Variants in CLEC16A observed in about 807,000 individuals in gnomAD.
CLEC16A encodes protein CLEC16A.
A neutral mutation model predicts 109.5 loss-of-function variants in CLEC16A; 51 were observed. The ratio of observed to expected loss-of-function variants is 0.47; its 90% CI spans 0.37 to 0.59. The LOEUF is 0.59. Among genes scored for constraint, CLEC16A ranks in the 20% least tolerant of loss-of-function variants. The pLI is 0.00. For synonymous variants in CLEC16A, 673 were observed against 564.2 expected (o/e 1.19, Z -2.73); for missense variants, 1,339 against 1,394.0 (o/e 0.96, Z 0.63).
chr16:11,119,028 G>C (rs1409174355), intron 19 of CLEC16A, among the ~76,000 whole-genome samples: 1 of 152,154 alleles, frequency 6.6e-6, no homozygotes, highest in African/African-American at 2.4e-5. Flanking sequence ...TTGAGACAAG[G>C]TCTTATTCTG....
At chr16:11,175,320 C>G (rs539593666) in intron 23 of CLEC16A, among the ~76,000 whole-genome samples, 1 of 152,310 alleles carries the variant, frequency 6.6e-6, no homozygotes, top group African/African-American at 2.4e-5. Context: ...CTGAATGTCC[C>G]ATTACCCCCT....
intron 7 of CLEC16A, among the ~76,000 whole-genome samples, chr16:10,975,858 G>A (rs2043008400): frequency 6.6e-6 from 1 of 151,936 alleles, no homozygotes; most frequent in Non-Finnish European, 1.5e-5. Context: ...CACCATGTTG[G>A]CCAGGCTGGT....
chr16:11,126,603 C>A, intron 22 of CLEC16A: 1 of 308,300 alleles, frequency 3.2e-6, no homozygotes, highest in South Asian at 4.6e-5. Flanking sequence ...CATATGAGGG[C>A]GTCTCCTCCC....
chr16:11,140,316 G>A (rs542900373), intron 22 of CLEC16A, among the ~76,000 whole-genome samples: 1 of 152,200 alleles, frequency 6.6e-6, no homozygotes, highest in South Asian at 2.1e-4. Context: ...GGAAGAGTCA[G>A]TGTGGATGGA....
chr16:11,123,960 C>T lies in CLEC16A; in HGVS notation c.2473+14C>T, dbSNP rs1340438884. ...AGAGAATAGCTGGTGAGTGGCTGGA[C>T]CCTGGCAGGGCATCCTCTGAGCACT... is the stretch of plus-strand genomic sequence containing the variant. On this transcript the variant is annotated intron_variant, in intron 21 of 23. Transcript: ENST00000409790. The T allele has an allele frequency of 6.3e-7, 1 of 1,582,722 alleles. No individual in the cohort carries two copies. Among genetic ancestry groups the T allele is most frequent in the East Asian group, 2.3e-5 (1 of 42,838 alleles).
intron 17 of CLEC16A, chr16:11,048,337 A>G (rs1177360900): frequency 2.0e-5 from 3 of 152,378 alleles, no homozygotes; most frequent in South Asian, 4.1e-4. Context: ...GCGGGAAGCC[A>G]TAGGTTCAGA....
intron 19 of CLEC16A, among the ~76,000 whole-genome samples, chr16:11,086,604 G>T (rs1246919133): frequency 6.6e-6 from 1 of 152,044 alleles, no homozygotes. Flanking sequence ...GTGCAGTGTC[G>T]CTATCTCTGC....
At chr16:11,120,882 A>T in intron 20 of CLEC16A, 116 bp downstream of exon 20, 1 of 1,070,058 alleles carries the variant, frequency 9.3e-7, no homozygotes, top group Non-Finnish European at 1.2e-6. Context: ...TAGTGATATT[A>T]TACAAGGTAT....
chr16:11,071,938 G>C (rs939285901), intron 19 of CLEC16A, among the ~76,000 whole-genome samples: 8 of 151,848 alleles, frequency 5.3e-5, no homozygotes, highest in Admixed American at 4.6e-4. Context: ...TTCTGTGGGA[G>C]TATGTTCTTG....
At chr16:11,131,182 A>G (rs368385091) in intron 22 of CLEC16A, among the ~76,000 whole-genome samples, 1 of 152,194 alleles carries the variant, frequency 6.6e-6, no homozygotes, top group Non-Finnish European at 1.5e-5. Flanking sequence ...AGGCATGGCC[A>G]GGCCTAGACT....
Position 10,969,143 on chromosome 16 carries a change from GT to G in CLEC16A, c.344-11del. 1 of 1,594,748 alleles carries G rather than the reference GT, an allele frequency of 6.3e-7. No individual in the cohort carries two copies. The highest frequency in any genetic ancestry group is 2.2e-5 in the East Asian group (1 of 44,632). ...CCTCCAGCATGAGTTAACCTGTTTTGTTTTTTTCTCCCTCTAGATTATTTGC... is the reference window on the plus strand; with the variant it reads ...CCTCCAGCATGAGTTAACCTGTTTTGTTTTTTCTCCCTCTAGATTATTTGC... On this transcript the variant is annotated splice_polypyrimidine_tract_variant and intron_variant, in intron 3 of 23. Transcript: ENST00000409790.
intron 13 of CLEC16A, among the ~76,000 whole-genome samples, chr16:11,039,371 T>A (rs2047195676): frequency 6.6e-6 from 1 of 152,196 alleles, no homozygotes; most frequent in Non-Finnish European, 1.5e-5. Context: ...ATTTCCTATT[T>A]ATAAGAAATA....
chr16:11,151,721 C>T (rs1039857806), intron 22 of CLEC16A, among the ~76,000 whole-genome samples: 5 of 152,212 alleles, frequency 3.3e-5, no homozygotes, highest in Admixed American at 1.3e-4. Context: ...GAGAGAGTAG[C>T]GACTTCTCTG....
chr16:11,037,617 T>C (rs1033810608), intron 13 of CLEC16A, among the ~76,000 whole-genome samples: 5 of 152,220 alleles, frequency 3.3e-5, no homozygotes, highest in Non-Finnish European at 7.3e-5. Flanking sequence ...ATTCAAGGCC[T>C]GGTCCTAGTT....
At chr16:10,963,228 A>G (rs572035953) in intron 3 of CLEC16A, among the ~76,000 whole-genome samples, 1 of 152,210 alleles carries the variant, frequency 6.6e-6, no homozygotes, top group South Asian at 2.1e-4. Flanking sequence ...TCCTCCTTCT[A>G]TGGGGACGCC....
intron 19 of CLEC16A, among the ~76,000 whole-genome samples, chr16:11,119,255 G>A (rs544126995): frequency 8.5e-5 from 13 of 152,178 alleles, no homozygotes; most frequent in South Asian, 8.3e-4. Flanking sequence ...TGCCCACCTC[G>A]GCCTCCCAGA....
intron 13 of CLEC16A, among the ~76,000 whole-genome samples, chr16:11,030,738 A>G (rs1379012638): frequency 6.6e-6 from 1 of 152,146 alleles, no homozygotes; most frequent in Non-Finnish European, 1.5e-5. Flanking sequence ...TCCGCCTCCC[A>G]GGTTCAAGCA....
chr16:11,165,047 C>T (rs142249016), intron 22 of CLEC16A, among the ~76,000 whole-genome samples: 14 of 152,266 alleles, frequency 9.2e-5, no homozygotes, highest in African/African-American at 2.2e-4. Flanking sequence ...ATATCTCCAC[C>T]GCAATTTGGG....
At chr16:11,092,361 AACACACACACACAC>A (rs3030566) in intron 19 of CLEC16A, among the ~76,000 whole-genome samples, 1,548 of 132,538 alleles carry the variant, frequency 0.012, 20 homozygotes, top group African/African-American at 0.031. Flanking sequence ...AACAAAAACA[AACACACACACACAC>A]ACACACACAC....
Sources: gnomAD v4.1 joint callset for allele counts (sites outside exome capture counted in the v4.1 genomes callset) on GRCh38, gnomAD v4.1.1 for gene constraint, MANE v1.5 for transcripts, NCBI Gene and HGNC (gene_info 2026-07-23, HGNC 2026-07-21) for gene names.